The following ARHGAP26 variants were observed in gnomAD, a reference collection of about 807,000 sequenced individuals.
ARHGAP26 encodes the protein rho GTPase-activating protein 26.
In ARHGAP26, 38 loss-of-function variants were observed where a neutral mutation model predicts 104.8. The ratio of observed to expected loss-of-function variants is 0.36; its 90% CI spans 0.28 to 0.48. The LOEUF (loss-of-function observed/expected upper bound fraction) is 0.48, where lower values mean the gene tolerates loss of function less well. Ranked by LOEUF, ARHGAP26 falls within the 20% of genes least tolerant of loss-of-function variation. The pLI is 0.99. For missense variants in ARHGAP26, 704 were observed against 947.9 expected, an observed-to-expected ratio of 0.74 and a Z score of 3.38; for synonymous variants, 341 against 340.0, an observed-to-expected ratio of 1.00 and a Z score of -0.03.
chr5:142,953,018 C>CT (rs1291695895), intron 11 of ARHGAP26, among the ~76,000 whole-genome samples: 4 of 152,126 alleles, frequency 2.6e-5, no homozygotes, highest in African/African-American at 7.2e-5. Flanking sequence ...CCCAACTGTG[C>CT]TTTTTTGTGT....
intron 20 of ARHGAP26, among the ~76,000 whole-genome samples, chr5:143,148,794 G>A (rs898784635): frequency 1.3e-5 from 2 of 152,078 alleles, no homozygotes; most frequent in African/African-American, 4.8e-5. Context: ...TTCTTTACTT[G>A]TTTTTTTCTT....
intron 22 of ARHGAP26, among the ~76,000 whole-genome samples, chr5:143,221,640 C>T (rs1268843988): frequency 6.6e-6 from 1 of 152,094 alleles, no homozygotes; most frequent in African/African-American, 2.4e-5. Context: ...CGGCACTCCC[C>T]CTCCTCCAAG....
At position 142,962,240 on chromosome 5, in the gene ARHGAP26, C is replaced by G. The variant is rs115574572; in HGVS notation, c.1107+30115C>G. Among the ~76,000 whole-genome samples, 443 of 152,334 alleles carry G rather than the reference C, an allele frequency of 2.9e-3. 2 individuals are homozygous for G. Among genetic ancestry groups the G allele is most frequent in the Admixed American group, 5.3e-3 (81 of 15,306 alleles). ...CAACTCCATGTGAATTTTACCTTGA[C>G]AAATTTGAAATTGTGCTTTCAGGTT... is the stretch of plus-strand genomic sequence containing the variant. On this transcript the variant is annotated intron_variant, in intron 11 of 22. Coordinates refer to ENST00000645722, the MANE Select transcript of ARHGAP26 (RefSeq NM_001135608.3).
At chr5:143,023,652 C>T (rs1182864425) in intron 12 of ARHGAP26, among the ~76,000 whole-genome samples, 1 of 152,162 alleles carries the variant, frequency 6.6e-6, no homozygotes, top group Non-Finnish European at 1.5e-5. Context: ...GGCTGCCAGG[C>T]CTCTGCTGGT....
At chr5:142,870,358 A>G (rs956716029) in intron 1 of ARHGAP26, among the ~76,000 whole-genome samples, 4 of 152,186 alleles carry the variant, frequency 2.6e-5, no homozygotes, top group Non-Finnish European at 5.9e-5. Flanking sequence ...GCAAGAAGCA[A>G]TGGTTTTTAG....
At chr5:143,174,119 A>G (rs944507062) in intron 20 of ARHGAP26, among the ~76,000 whole-genome samples, 6 of 152,230 alleles carry the variant, frequency 3.9e-5, no homozygotes, top group Non-Finnish European at 2.9e-5. Context: ...CAAAATGTCA[A>G]TATTCATTCA....
intron 17 of ARHGAP26, among the ~76,000 whole-genome samples, chr5:143,073,806 G>C (rs932972793): frequency 3.3e-5 from 5 of 152,176 alleles, no homozygotes; most frequent in African/African-American, 1.2e-4. Flanking sequence ...AACTGTGTGT[G>C]CTATTTAAAA....
intron 10 of ARHGAP26, among the ~76,000 whole-genome samples, chr5:142,914,364 A>T (rs1187847409): frequency 6.6e-6 from 1 of 152,282 alleles, no homozygotes; most frequent in Middle Eastern, 3.2e-3. Flanking sequence ...TTGGCTGTCA[A>T]GCCAGACAAC....
intron 20 of ARHGAP26, among the ~76,000 whole-genome samples, chr5:143,186,470 C>T (rs1805154275): frequency 6.6e-6 from 1 of 152,186 alleles, no homozygotes; most frequent in African/African-American, 2.4e-5. Context: ...ACTGATTCTT[C>T]CCCATCTTCC....
intron 1 of ARHGAP26, among the ~76,000 whole-genome samples, chr5:142,867,531 T>C (rs1016787691): frequency 1.3e-5 from 2 of 152,292 alleles, no homozygotes; most frequent in Admixed American, 6.5e-5. Context: ...TTTTCCCAGA[T>C]ACGGGGAGAA....
intron 3 of ARHGAP26, among the ~76,000 whole-genome samples, chr5:142,877,552 C>A (rs1259991567): frequency 1.3e-5 from 2 of 152,208 alleles, no homozygotes; most frequent in African/African-American, 4.8e-5. Context: ...TCTGCAATTG[C>A]TCATTTGACA....
chr5:142,955,555 T>C (rs1012910848), intron 11 of ARHGAP26, among the ~76,000 whole-genome samples: 11 of 152,166 alleles, frequency 7.2e-5, no homozygotes, highest in South Asian at 2.1e-4. Context: ...ACAACACTTA[T>C]GGGGATTTAT....
intron 5 of ARHGAP26, among the ~76,000 whole-genome samples, chr5:142,891,223 G>A (rs909040313): frequency 4.0e-4 from 61 of 152,084 alleles, no homozygotes; most frequent in African/African-American, 1.4e-3. Flanking sequence ...GCAGGGGGTG[G>A]TGGTGGTGAG....
intron 20 of ARHGAP26, among the ~76,000 whole-genome samples, chr5:143,185,628 C>T (rs1180611057): frequency 6.6e-6 from 1 of 152,186 alleles, no homozygotes; most frequent in Non-Finnish European, 1.5e-5. Context: ...CCTTCCTTAA[C>T]TCCACTACTT....
At chr5:143,057,392 A>G (rs1175156297) in intron 16 of ARHGAP26, among the ~76,000 whole-genome samples, 1 of 152,130 alleles carries the variant, frequency 6.6e-6, no homozygotes, top group Non-Finnish European at 1.5e-5. Context: ...GCTCCATTTC[A>G]TCACATCATC....
At chr5:142,929,658 AC>A (rs1764432475) in intron 10 of ARHGAP26, among the ~76,000 whole-genome samples, 1 of 152,186 alleles carries the variant, frequency 6.6e-6, no homozygotes, top group African/African-American at 2.4e-5. Context: ...AATCCTGTTG[AC>A]TTTCCTGGTT....
intron 11 of ARHGAP26, among the ~76,000 whole-genome samples, chr5:142,957,050 T>TA (rs1293737058): frequency 4.6e-5 from 7 of 152,196 alleles, no homozygotes; most frequent in African/African-American, 1.7e-4. Context: ...TTGAATTGTG[T>TA]ACGTTGTCAT....
At chr5:143,215,159 T>C (rs1320123027) in intron 22 of ARHGAP26, among the ~76,000 whole-genome samples, 1 of 152,234 alleles carries the variant, frequency 6.6e-6, no homozygotes, top group Non-Finnish European at 1.5e-5. Flanking sequence ...GCTGCGTTGC[T>C]TGGGCTTCTG....
rs115533402 is a variant in ARHGAP26, at chr5:142,947,620, A to G, written c.1107+15495A>G. Among the ~76,000 whole-genome samples the G allele has an allele frequency of 4.4e-3, 668 of 152,312 alleles. 5 individuals are homozygous for G. Among genetic ancestry groups the G allele is most frequent in the Non-Finnish European group, 8.1e-3 (554 of 68,028 alleles). On this transcript the variant is annotated intron_variant, in intron 11 of 22. Coordinates refer to ENST00000645722, the MANE Select transcript of ARHGAP26 (RefSeq NM_001135608.3). Reference sequence around the variant, plus strand: ...TAGTAGAGTGCTGTGAAACATAATAAGCACCTATTACTCACTGAATTAACT... The same window carrying G: ...TAGTAGAGTGCTGTGAAACATAATAGGCACCTATTACTCACTGAATTAACT...
Sources: allele counts gnomAD v4.1 joint callset (sites outside exome capture counted in the v4.1 genomes callset), GRCh38; gene constraint gnomAD v4.1.1; transcripts MANE v1.5; gene names NCBI Gene and HGNC (gene_info 2026-07-23, HGNC 2026-07-21).